Variants in ST18 observed in about 807,000 individuals in gnomAD.
The protein encoded by ST18 is suppression of tumorigenicity 18 protein.
Under a neutral mutation model 110.0 loss-of-function variants are expected in ST18, and 50 were observed. The ratio of observed to expected loss-of-function variants is 0.45; its 90% CI spans 0.36 to 0.58. The LOEUF (loss-of-function observed/expected upper bound fraction) is 0.58. Ranked by LOEUF, ST18 falls within the 20% of genes least tolerant of loss-of-function variation. ST18 has a pLI of 0.00. For synonymous variants in ST18, 461 were observed against 452.4 expected, an observed-to-expected ratio of 1.02 and a Z score of -0.24; for missense variants, 1,306 against 1,280.1, an observed-to-expected ratio of 1.02 and a Z score of -0.31.
Position 52,116,356 on chromosome 8 carries a change from G to T in ST18, c.2922C>A (p.Asn974Lys). 1.2e-6 allele frequency: 2 copies of T among 1,613,910 alleles called. No homozygotes were observed. Among genetic ancestry groups the T allele is most frequent in the Non-Finnish European group, 1.7e-6 (2 of 1,179,924 alleles). Residue 974 changes from asparagine to lysine, a missense_variant, in exon 25 of 26, where the codon AAC becomes AAA. Physicochemically the swap from Asn to Lys is moderately conservative, Grantham distance 94 (BLOSUM62 0). Coordinates refer to ENST00000689386, the MANE Select transcript of ST18 (RefSeq NM_001352837.2). The stretch of plus-strand genomic sequence containing the variant: ...CCAGCTCTTTCAGCAGACTTTCATT[G>T]TTCTGTTCTATGAGTTTGTTCTCCT... Reference protein sequence around the residue: ...IEEENKLIEQNNESLLKELAG... With the variant: ...IEEENKLIEQKNESLLKELAG...
intron 2 of ST18, among the ~76,000 whole-genome samples, chr8:52,266,287 G>C (rs1469112449): frequency 6.6e-6 from 1 of 152,190 alleles, no homozygotes; most frequent in Non-Finnish European, 1.5e-5. Context: ...CTGTGGCAGA[G>C]AGCAGAGTAA....
At chr8:52,294,061 G>A (rs898318309) in intron 2 of ST18, among the ~76,000 whole-genome samples, 2 of 152,158 alleles carry the variant, frequency 1.3e-5, no homozygotes, top group African/African-American at 4.8e-5. Context: ...GACTTAAAGC[G>A]ACCAGTGAGT....
chr8:52,348,491 G>A lies in ST18; in HGVS notation c.-465+60837C>T, dbSNP rs142646931. On this transcript the variant is annotated intron_variant, in intron 2 of 25. Coordinates refer to ENST00000689386, the MANE Select transcript of ST18 (RefSeq NM_001352837.2). The stretch of plus-strand genomic sequence containing the variant: ...ATTTCAGCTGGGTGCGGTGGCTCAC[G>A]CCTGTAATCCCAGCACTTCGGGAAG... Among the ~76,000 whole-genome samples, 1,335 of 152,292 alleles carry A rather than the reference G, an allele frequency of 8.8e-3. 55 individuals carry two copies. In the East Asian group the frequency reaches 0.12, roughly 13 times the overall value.
At chr8:52,262,465 G>A (rs531167028) in intron 2 of ST18, among the ~76,000 whole-genome samples, 1 of 152,188 alleles carries the variant, frequency 6.6e-6, no homozygotes, top group Admixed American at 6.5e-5. Context: ...CGACTTCACA[G>A]GACGACCTCC....
chr8:52,320,136 T>C (rs1803233281), intron 2 of ST18, among the ~76,000 whole-genome samples: 1 of 152,206 alleles, frequency 6.6e-6, no homozygotes, highest in African/African-American at 2.4e-5. Flanking sequence ...AACATTTTCC[T>C]TAAAGATACA....
chr8:52,176,532 C>A (rs1397311478), intron 9 of ST18, among the ~76,000 whole-genome samples: 2 of 152,194 alleles, frequency 1.3e-5, no homozygotes, highest in Non-Finnish European at 2.9e-5. Context: ...CTGGTCCAGG[C>A]CTTTCTCCAT....
chr8:52,357,822 G>A (rs960036097), intron 2 of ST18, among the ~76,000 whole-genome samples: 2 of 148,808 alleles, frequency 1.3e-5, no homozygotes, highest in Non-Finnish European at 1.5e-5. Context: ...TAAGGAAATA[G>A]AGGCCATGAA....
At chr8:52,319,799 G>A (rs1385877211) in intron 2 of ST18, among the ~76,000 whole-genome samples, 1 of 152,144 alleles carries the variant, frequency 6.6e-6, no homozygotes, top group African/African-American at 2.4e-5. Context: ...TTGCATGCCT[G>A]GCAATCCTCT....
intron 22 of ST18, among the ~76,000 whole-genome samples, chr8:52,129,053 C>T (rs62500979): frequency 7.6e-6 from 1 of 131,808 alleles, no homozygotes; most frequent in Admixed American, 6.8e-5. Context: ...TGTAAGTCAT[C>T]CTGCATATAT....
At chr8:52,281,642 C>G (rs1159436368) in intron 2 of ST18, among the ~76,000 whole-genome samples, 1 of 152,078 alleles carries the variant, frequency 6.6e-6, no homozygotes, top group African/African-American at 2.4e-5. Context: ...TAAATTATCC[C>G]CTGAAAAACA....
intron 2 of ST18, among the ~76,000 whole-genome samples, chr8:52,245,528 G>A (rs2093774430): frequency 6.6e-6 from 1 of 152,020 alleles, no homozygotes. Context: ...ATTAAGTTAA[G>A]CTAGCTTTGT....
At chr8:52,302,869 A>T (rs2095750728) in intron 2 of ST18, among the ~76,000 whole-genome samples, 1 of 152,210 alleles carries the variant, frequency 6.6e-6, no homozygotes, top group Admixed American at 6.5e-5. Flanking sequence ...GAAGGAAGTC[A>T]TTAGAAACAT....
chr8:52,137,567 G>T, intron 17 of ST18, 84 bp from the exon 18 acceptor site: 1 of 1,349,134 alleles, frequency 7.4e-7, no homozygotes, highest in Non-Finnish European at 1.0e-6. Flanking sequence ...GGAGGAGGTA[G>T]CTTCTCTGTG....
chr8:52,261,953 C>T (rs1162057910), intron 2 of ST18, among the ~76,000 whole-genome samples: 2 of 152,164 alleles, frequency 1.3e-5, no homozygotes, highest in Non-Finnish European at 2.9e-5. Flanking sequence ...AACTGTCTTA[C>T]TCAATTTTCT....
chr8:52,212,488 A>G (rs1335001063), intron 7 of ST18, among the ~76,000 whole-genome samples: 1 of 152,236 alleles, frequency 6.6e-6, no homozygotes, highest in African/African-American at 2.4e-5. Context: ...TATTAAACAC[A>G]CATTCAAATA....
intron 3 of ST18, among the ~76,000 whole-genome samples, chr8:52,222,757 T>C (rs572010314): frequency 5.9e-5 from 9 of 152,326 alleles, no homozygotes; most frequent in African/African-American, 2.2e-4. Context: ...TAAAAAACCA[T>C]TTTTCTTAAC....
At chr8:52,398,197 C>A (rs1841798636) in intron 2 of ST18, among the ~76,000 whole-genome samples, 1 of 152,066 alleles carries the variant, frequency 6.6e-6, no homozygotes, top group African/African-American at 2.4e-5. Flanking sequence ...GAAATGGGAT[C>A]ATTTTCTTGA....
chr8:52,343,833 A>T lies in ST18; in HGVS notation c.-465+65495T>A, dbSNP rs181924797. On this transcript the variant is annotated intron_variant, in intron 2 of 25. Transcript: ENST00000689386. ...ACTTTTAAAGGTATTTTAAGTACTT[A>T]TTTATATTTTCACTGGAAAGTATTA... Among the ~76,000 whole-genome samples, 311 of 152,304 alleles carry T rather than the reference A, an allele frequency of 2.0e-3. 1 individual carries two copies. The highest frequency in any genetic ancestry group is 5.6e-3 in the Admixed American group (85 of 15,298).
intron 2 of ST18, among the ~76,000 whole-genome samples, chr8:52,347,462 CAT>C (rs1241720583): frequency 2.6e-5 from 4 of 151,990 alleles, no homozygotes; most frequent in Admixed American, 1.3e-4. Flanking sequence ...AGTTCAAATA[CAT>C]TATAGGCAAT....
Sources: gnomAD v4.1 joint callset for allele counts (sites outside exome capture counted in the v4.1 genomes callset) on GRCh38, gnomAD v4.1.1 for gene constraint, MANE v1.5 for transcripts, NCBI Gene and HGNC (gene_info 2026-07-23, HGNC 2026-07-21) for gene names.